The following ZFAND2B variants were observed in gnomAD, a reference collection of about 807,000 sequenced individuals.
The protein encoded by ZFAND2B is zinc finger AN1-type containing 2B.
ZFAND2B carries 27 observed loss-of-function variants against 38.2 expected under a neutral mutation model. That is an observed-to-expected ratio of 0.71 (90% CI 0.52 to 0.97). The LOEUF is 0.97. Among genes scored for constraint, ZFAND2B ranks in the 50% least tolerant of loss-of-function variants. The probability of loss-of-function intolerance (pLI) is 0.00; values close to 1 mark genes in which losing one functional copy is unlikely to be tolerated. For missense variants in ZFAND2B, 303 were observed against 331.5 expected, an observed-to-expected ratio of 0.91 and a Z score of 0.67; for synonymous variants, 111 against 119.4, an observed-to-expected ratio of 0.93 and a Z score of 0.46.
intron 2 of ZFAND2B, 25 bp downstream of exon 2, chr2:219,207,446 AAGC>A: frequency 1.2e-6 from 2 of 1,604,474 alleles, no homozygotes; most frequent in Non-Finnish European, 1.7e-6. Context: ...CTCAGGGTGA[AAGC>A]AGGCAGATGG....
chr2:219,207,143 G>T, intron 1 of ZFAND2B, 101 bp downstream of exon 1: 2 of 971,398 alleles, frequency 2.1e-6, no homozygotes. Flanking sequence ...ATGCCGGGGG[G>T]CGGGGCTTGA....
At position 219,209,275 on chromosome 2, in the gene ZFAND2B, G is replaced by T; in HGVS notation, c.743G>T (p.Ser248Ile). ...TCTTTGCTCTAGGCCCAGAGCCGCA[G>T]CTCGAAGCCGTCCAACTGCAGCCTG... Reference protein sequence around the residue: ...EYQRQQAQSRSSKPSNCSLC With the variant: ...EYQRQQAQSRISKPSNCSLC The change falls in exon 9 of 9, where the codon AGC (serine) becomes ATC (isoleucine). Residue 248 changes from serine to isoleucine, a missense_variant. Ser to Ile is a moderately radical substitution (Grantham distance 142). Transcript: ENST00000289528. 1.2e-6 allele frequency: 2 copies of T among 1,610,496 alleles called. No homozygotes were observed. The highest frequency in any genetic ancestry group is 1.7e-6 in the Non-Finnish European group (2 of 1,178,914).
At chr2:219,208,786 G>C in intron 7 of ZFAND2B, 147 bp downstream of exon 7, 1 of 1,095,830 alleles carries the variant, frequency 9.1e-7, no homozygotes, top group South Asian at 1.4e-5. Flanking sequence ...TCTTTGACAA[G>C]TTATTTAACC....
chr2:219,209,482 A>G lies in ZFAND2B; in HGVS notation c.*176A>G. The G allele has an allele frequency of 1.3e-6, 1 of 792,954 alleles. No homozygotes were observed. Among genetic ancestry groups the G allele is most frequent in the Non-Finnish European group, 2.2e-6 (1 of 456,576 alleles). The allele number at this position is 792,954 out of a possible 1,614,324, so 49.1% of individuals were successfully genotyped here. A position where few individuals can be genotyped will look rare whatever the true frequency, so the allele number is the denominator to read the frequency against. ...TGCTAGTGCTCCAGCTGCATGGAAG[A>G]GAGCGGCTAGCAACTGTTCCCTGGT... On this transcript the variant is annotated 3_prime_UTR_variant, in exon 9 of 9. Transcript: ENST00000289528.
chr2:219,208,241 C>G lies in ZFAND2B; in HGVS notation c.435-15C>G. On this transcript the variant is annotated splice_polypyrimidine_tract_variant and intron_variant, in intron 4 of 8. Transcript: ENST00000289528. The stretch of plus-strand genomic sequence containing the variant: ...TAGTTCTTGGAGACATGCCAAAAAT[C>G]TCTCTTCCCTACAGACTTGCTGCCA... 1 of 1,613,974 alleles carries G rather than the reference C, an allele frequency of 6.2e-7. No individual in the cohort carries two copies. Among genetic ancestry groups the G allele is most frequent in the South Asian group, 1.1e-5 (1 of 91,060 alleles).
At chr2:219,209,205 C>G (rs1222919641) in intron 8 of ZFAND2B, 57 bp from the exon 9 acceptor site, 29 of 1,577,024 alleles carry the variant, frequency 1.8e-5, no homozygotes, top group Non-Finnish European at 2.4e-5. Context: ...GAGGGCTGTC[C>G]CTCATTTCCT....
At chr2:219,207,095 C>A in intron 1 of ZFAND2B, 53 bp downstream of exon 1, 1 of 1,504,016 alleles carries the variant, frequency 6.6e-7, no homozygotes, top group South Asian at 1.2e-5. Flanking sequence ...GACTTTGAAC[C>A]GCAGGTTGGG....
At chr2:219,208,679 C>A in intron 7 of ZFAND2B, 40 bp downstream of exon 7, 1 of 1,611,750 alleles carries the variant, frequency 6.2e-7, no homozygotes, top group Non-Finnish European at 8.5e-7. Flanking sequence ...AAGCTGTGGG[C>A]AAGGGCTTGG....
intron 2 of ZFAND2B, 83 bp from the exon 3 acceptor site, chr2:219,207,565 T>C: frequency 1.3e-6 from 2 of 1,596,658 alleles, no homozygotes; most frequent in Non-Finnish European, 1.7e-6. Context: ...GTGTTTGTGG[T>C]GGGTCATATC....
chr2:219,208,871 G>A, intron 7 of ZFAND2B, 106 bp from the exon 8 acceptor site: 1 of 1,239,736 alleles, frequency 8.1e-7, no homozygotes, highest in Non-Finnish European at 1.2e-6. Context: ...TGAAGATTGA[G>A]ATAATCCTCA....
chr2:219,209,117 C>G, intron 8 of ZFAND2B, 68 bp downstream of exon 8: 3 of 1,599,738 alleles, frequency 1.9e-6, no homozygotes, highest in Non-Finnish European at 2.6e-6. Context: ...GGGGGTTCTT[C>G]CTAGTGGTGC....
intron 6 of ZFAND2B, 26 bp downstream of exon 6, chr2:219,208,512 C>G (rs770488837): frequency 6.2e-7 from 1 of 1,614,248 alleles, no homozygotes; most frequent in South Asian, 1.1e-5. Flanking sequence ...GTTGGATGGA[C>G]AGAAACAAAC....
At chr2:219,207,272 A>T (rs1950499771) in intron 1 of ZFAND2B, 55 bp from the exon 2 acceptor site, 1 of 1,564,758 alleles carries the variant, frequency 6.4e-7, no homozygotes, top group Non-Finnish European at 8.8e-7. Context: ...GACTTGAGTG[A>T]GAGAGAAGGA....
At chr2:219,208,944 C>T in intron 7 of ZFAND2B, 33 bp from the exon 8 acceptor site, 1 of 1,608,540 alleles carries the variant, frequency 6.2e-7, no homozygotes, top group Non-Finnish European at 8.5e-7. Flanking sequence ...CAGATCTTAC[C>T]ATCATCCAAC....
rs1307985311 is a variant in ZFAND2B, at chr2:219,209,534, C to T, written c.*228C>T. On this transcript the variant is annotated 3_prime_UTR_variant, in exon 9 of 9. Coordinates refer to ENST00000289528, the MANE Select transcript of ZFAND2B (RefSeq NM_138802.3). ...GGGCCCTCAGTGGATGCTGGCCAGG[C>T]CCTACTCTTAGCCCCTTCATCATGT... The T allele has an allele frequency of 5.7e-6, 4 of 705,920 alleles. No individual in the cohort carries two copies. Among genetic ancestry groups the T allele is most frequent in the Non-Finnish European group, 1.1e-5 (4 of 379,718 alleles). 43.7% of individuals were successfully genotyped at this position (705,920 alleles called of 1,614,324 possible). A position where few individuals can be genotyped will look rare whatever the true frequency, so the allele number is the denominator to read the frequency against.
In ZFAND2B at chr2:219,207,755, T is replaced by C; in HGVS notation, c.258T>C (p.Ser86=). Residue 86 remains serine, a synonymous_variant, in exon 3 of 9, where the codon TCT becomes TCC. Transcript: ENST00000289528. ...VGEHIDRDCR[S]DPAQQKRKIF... is the part of the protein sequence containing the mutation. ...AGCACATTGACAGAGACTGTCGCTC[T>C]GATCCAGCACAGCAAAAACGTAAGG... is the stretch of plus-strand genomic sequence containing the variant. The C allele has an allele frequency of 6.2e-7, 1 of 1,614,152 alleles. No individual in the cohort carries two copies. The highest frequency in any genetic ancestry group is 8.5e-7 in the Non-Finnish European group (1 of 1,180,020).
chr2:219,206,855 GC>G lies in ZFAND2B; in HGVS notation c.-132del, dbSNP rs1210085297. On this transcript the variant is annotated 5_prime_UTR_variant, in exon 1 of 9. Coordinates refer to ENST00000289528, the MANE Select transcript of ZFAND2B (RefSeq NM_138802.3). ...TGGCGCGGGGGCTCCGGTAACCCGG[GC>G]TGGGCGGGGGAGAGGAAGGGGCGGG... is the stretch of plus-strand genomic sequence containing the variant. The G allele has an allele frequency of 1.4e-5, 14 of 986,192 alleles. No homozygotes were observed. The highest frequency in any genetic ancestry group is 1.1e-4 in the Admixed American group (3 of 27,276). The allele number at this position is 986,192 out of a possible 1,614,324, so 61.1% of individuals were successfully genotyped here.
chr2:219,208,438 A>C lies in ZFAND2B; in HGVS notation c.540A>C (p.Arg180=). The change falls in exon 6 of 9, where the codon CGA becomes CGC. Residue 180 remains arginine (R), a synonymous_variant. Transcript: ENST00000289528. ...SCTSPSRATT[R]SPSWTAPPVI... is the part of the protein sequence containing the mutation. ...ATGTCTGTCGTAGAGCCACAACCCG[A>C]TCTCCGTCCTGGACAGCCCCTCCAG... 6.2e-7 allele frequency: 1 copy of C among 1,614,078 alleles called. No homozygotes were observed. The highest frequency in any genetic ancestry group is 8.5e-7 in the Non-Finnish European group (1 of 1,180,036).
intron 7 of ZFAND2B, 133 bp downstream of exon 7, chr2:219,208,772 A>G (rs919644064): frequency 1.7e-6 from 2 of 1,155,608 alleles, no homozygotes; most frequent in Non-Finnish European, 2.5e-6. Context: ...GATGAACTAT[A>G]TGATCTTTGA....
Sources: allele counts gnomAD v4.1 joint callset, GRCh38; gene constraint gnomAD v4.1.1; transcripts MANE v1.5; gene names NCBI Gene and HGNC (gene_info 2026-07-23, HGNC 2026-07-21).